ARHGAP22: variants seen among roughly 807,000 people sequenced by gnomAD.
The protein encoded by ARHGAP22 is rho GTPase-activating protein 22.
Under a neutral mutation model 59.1 loss-of-function variants are expected in ARHGAP22, and 48 were observed. The ratio of observed to expected loss-of-function variants is 0.81; its 90% confidence interval spans 0.64 to 1.03. The LOEUF is 1.03. ARHGAP22 is among the 50% of genes least tolerant of loss of function. ARHGAP22 has a pLI of 0.00. For synonymous variants in ARHGAP22, 445 were observed against 416.4 expected (o/e 1.07, Z -0.84); for missense variants, 1,015 against 958.7 (o/e 1.06, Z -0.78).
intron 1 of ARHGAP22, among the ~76,000 whole-genome samples, chr10:48,590,799 T>C (rs906764306): frequency 1.4e-5 from 2 of 146,824 alleles, no homozygotes. Flanking sequence ...ATGGGGGTAT[T>C]GCTTCCTCTT....
intron 1 of ARHGAP22, among the ~76,000 whole-genome samples, chr10:48,645,483 T>C (rs577063182): frequency 6.6e-6 from 1 of 152,332 alleles, no homozygotes; most frequent in East Asian, 1.9e-4. Flanking sequence ...TCAATTAATG[T>C]TGTACATCTA....
chr10:48,450,884 C>G lies in ARHGAP22; in HGVS notation c.1245G>C (p.Arg415=), dbSNP rs1355046401. 7 of 1,586,616 alleles carry G rather than the reference C, an allele frequency of 4.4e-6. No individual in the cohort carries two copies. The highest frequency in any genetic ancestry group is 6.0e-6 in the Non-Finnish European group (7 of 1,167,976). ...TCTGCACCTTCTTCCCAGGGCTGCA[C>G]CGGCTCCCCGGCCCCGTGGGGGCTG... ...SRTAPTGPGS[R]CSPGKKVQTL... The change falls in exon 9 of 10, where the codon CGG becomes CGC. Residue 415 remains arginine, a synonymous_variant. Coordinates refer to ENST00000249601, the MANE Select transcript of ARHGAP22 (RefSeq NM_021226.4).
At chr10:48,589,092 A>G (rs1480348989) in intron 1 of ARHGAP22, among the ~76,000 whole-genome samples, 2 of 152,056 alleles carry the variant, frequency 1.3e-5, no homozygotes, top group Non-Finnish European at 2.9e-5. Flanking sequence ...GGTGGCCCAC[A>G]TACCTGCCTC....
At chr10:48,639,397 A>G (rs2061950897) in intron 1 of ARHGAP22, among the ~76,000 whole-genome samples, 1 of 152,230 alleles carries the variant, frequency 6.6e-6, no homozygotes, top group Admixed American at 6.5e-5. Flanking sequence ...GGGCATGTGC[A>G]GAGGTTATAT....
chr10:48,649,940 G>A (rs1029460292), intron 1 of ARHGAP22, among the ~76,000 whole-genome samples: 2 of 150,302 alleles, frequency 1.3e-5, no homozygotes, highest in African/African-American at 4.9e-5. Context: ...ACAGTTAAAA[G>A]CAAACTTAAG....
At chr10:48,449,743 G>A (rs2045710169) in intron 9 of ARHGAP22, among the ~76,000 whole-genome samples, 1 of 152,214 alleles carries the variant, frequency 6.6e-6, no homozygotes, top group Non-Finnish European at 1.5e-5. Flanking sequence ...GCCTCAGGGT[G>A]CAGCACAACC....
At chr10:48,560,045 A>G (rs1264121244) in intron 2 of ARHGAP22, among the ~76,000 whole-genome samples, 2 of 152,324 alleles carry the variant, frequency 1.3e-5, no homozygotes, top group East Asian at 1.9e-4. Context: ...GAACATGTGA[A>G]TATGTTATGC....
At chr10:48,528,608 T>C (rs776205030) in intron 3 of ARHGAP22, among the ~76,000 whole-genome samples, 3 of 152,180 alleles carry the variant, frequency 2.0e-5, no homozygotes, top group Admixed American at 2.0e-4. Context: ...GTCCCTGATA[T>C]GGTGTAGACG....
chr10:48,520,794 C>T (rs923346588), intron 3 of ARHGAP22, among the ~76,000 whole-genome samples: 14 of 151,882 alleles, frequency 9.2e-5, no homozygotes, highest in African/African-American at 2.4e-4. Context: ...GGGTGAGGGG[C>T]GAAGAGCTCC....
chr10:48,617,991 A>G (rs2061147682), intron 1 of ARHGAP22, among the ~76,000 whole-genome samples: 1 of 152,042 alleles, frequency 6.6e-6, no homozygotes, highest in Admixed American at 6.6e-5. Flanking sequence ...AATCAGAAAC[A>G]AAAGAGGAGA....
chr10:48,592,582 G>A (rs1342340208), intron 1 of ARHGAP22, among the ~76,000 whole-genome samples: 1 of 152,092 alleles, frequency 6.6e-6, no homozygotes, highest in Non-Finnish European at 1.5e-5. Flanking sequence ...TGACCTCTCA[G>A]TGCTGAGTGT....
intron 3 of ARHGAP22, among the ~76,000 whole-genome samples, chr10:48,486,285 C>G (rs1349085836): frequency 6.6e-6 from 1 of 151,606 alleles, no homozygotes; most frequent in Non-Finnish European, 1.5e-5. Flanking sequence ...TACTGGTATA[C>G]TTTGTTATAC....
Position 48,446,608 on chromosome 10 carries a change from CCTT to C in ARHGAP22, c.1877_1879del (p.Glu626del). On this transcript the variant is annotated inframe_deletion, in exon 10 of 10. Coordinates refer to ENST00000249601, the MANE Select transcript of ARHGAP22 (RefSeq NM_021226.4). Reference sequence around the variant, plus strand: ...CATTCGTTTTCTCAGGTCAGCACTCCCTTCTTCGATTCTGAAAAGTCAAGGAGA... The same window carrying C: ...CATTCGTTTTCTCAGGTCAGCACTCCCTTCGATTCTGAAAAGTCAAGGAGA... 1.2e-6 allele frequency: 2 copies of C among 1,613,926 alleles called. No individual in the cohort carries two copies. The highest frequency in any genetic ancestry group is 1.3e-5 in the African/African-American group (1 of 75,018).
intron 3 of ARHGAP22, among the ~76,000 whole-genome samples, chr10:48,495,586 G>C (rs995934599): frequency 6.6e-6 from 1 of 152,160 alleles, no homozygotes; most frequent in Admixed American, 6.5e-5. Context: ...CAGAGTGGGT[G>C]CTCCAGGCTC....
At chr10:48,468,685 G>A (rs1462934364) in intron 4 of ARHGAP22, among the ~76,000 whole-genome samples, 2 of 152,174 alleles carry the variant, frequency 1.3e-5, no homozygotes, top group African/African-American at 2.4e-5. Flanking sequence ...TAGTATTCAT[G>A]TTCATTTTTT....
In ARHGAP22 at chr10:48,450,778, C is replaced by T. The variant is rs762331933; in HGVS notation, c.1351G>A (p.Val451Met). 3.2e-6 allele frequency: 5 copies of T among 1,566,198 alleles called. No individual in the cohort carries two copies. In the East Asian group the frequency reaches 7.0e-5, roughly 22 times the overall value. The change falls in exon 9 of 10, where the codon GTG becomes ATG. Residue 451 changes from valine (V) to methionine (M), a missense_variant. Coordinates refer to ENST00000249601, the MANE Select transcript of ARHGAP22 (RefSeq NM_021226.4). ...SPKGGGSSLE[V>M]PIISSGGNWL... ...TTCCCGCCGGAGGAGATGATGGGCACCTCCAGGGATGAGCCGCCCCCCTTC... is the reference window on the plus strand; with the variant it reads ...TTCCCGCCGGAGGAGATGATGGGCATCTCCAGGGATGAGCCGCCCCCCTTC...
At chr10:48,609,092 A>C (rs747747166), upstream of ARHGAP22, among the ~76,000 whole-genome samples, 2 of 152,188 alleles carry the variant, frequency 1.3e-5, no homozygotes, top group Non-Finnish European at 2.9e-5. Flanking sequence ...ATCAGAGCTT[A>C]GATGTCTTGT....
At chr10:48,637,379 G>C (rs913061473) in intron 1 of ARHGAP22, among the ~76,000 whole-genome samples, 2 of 151,926 alleles carry the variant, frequency 1.3e-5, no homozygotes, top group African/African-American at 4.8e-5. Context: ...AGTGGCAGAT[G>C]AGTAGCCAAT....
intron 1 of ARHGAP22, among the ~76,000 whole-genome samples, chr10:48,650,590 T>C (rs528881404): frequency 1.6e-4 from 25 of 152,226 alleles, no homozygotes; most frequent in Non-Finnish European, 3.7e-4. Context: ...ATAAAGACAT[T>C]AATTCAATCA....
Sources: gnomAD v4.1 joint callset for allele counts (sites outside exome capture counted in the v4.1 genomes callset) on GRCh38, gnomAD v4.1.1 for gene constraint, MANE v1.5 for transcripts, NCBI Gene and HGNC (gene_info 2026-07-23, HGNC 2026-07-21) for gene names.